The following METTL15 variants were observed in gnomAD, a reference collection of about 807,000 sequenced individuals.
METTL15 encodes methyltransferase 15, mitochondrial 12S rRNA N4-cytidine, also known as 12S rRNA N(4)-cytidine methyltransferase METTL15.
METTL15 carries 34 observed loss-of-function variants against 38.3 expected under a neutral mutation model. The observed-to-expected ratio is 0.89, with a 90% confidence interval of 0.68 to 1.18. The LOEUF (loss-of-function observed/expected upper bound fraction) is 1.18, where lower values mean the gene tolerates loss of function less well. Among genes scored for constraint, METTL15 ranks in the 50% most tolerant of loss-of-function variants. METTL15 has a pLI of 0.00. For missense variants in METTL15, 438 were observed against 498.4 expected, an observed-to-expected ratio of 0.88 and a Z score of 1.15; for synonymous variants, 162 against 170.9, an observed-to-expected ratio of 0.95 and a Z score of 0.41.
intron 6 of METTL15, among the ~76,000 whole-genome samples, chr11:28,454,698 C>T (rs1215702052): frequency 6.6e-6 from 1 of 152,202 alleles, no homozygotes; most frequent in East Asian, 1.9e-4. Flanking sequence ...CTTATATCAA[C>T]ATATTCAGAC....
chr11:28,155,577 A>T (rs531726434), intron 3 of METTL15, among the ~76,000 whole-genome samples: 1 of 152,130 alleles, frequency 6.6e-6, no homozygotes, highest in Non-Finnish European at 1.5e-5. Context: ...CAGAGATGAG[A>T]GGGAGAGGAT....
chr11:28,339,468 A>T (rs1053777723), intron 3 of METTL15, among the ~76,000 whole-genome samples: 1 of 151,850 alleles, frequency 6.6e-6, no homozygotes, highest in African/African-American at 2.4e-5. Context: ...ACTAAAAATC[A>T]TCAACTAAAA....
At chr11:28,313,951 C>G (rs1857393425) in intron 6 of METTL15, among the ~76,000 whole-genome samples, 1 of 152,070 alleles carries the variant, frequency 6.6e-6, no homozygotes, top group African/African-American at 2.4e-5. Flanking sequence ...TATACATGTC[C>G]TTCTAGAAAC....
chr11:28,118,011 G>GT (rs1230564065), intron 3 of METTL15, among the ~76,000 whole-genome samples: 19 of 149,198 alleles, frequency 1.3e-4, no homozygotes, highest in South Asian at 1.3e-3. Flanking sequence ...TTGTTTTTTT[G>GT]TTTTTTTTTG....
At chr11:28,133,105 A>T (rs557793787) in intron 3 of METTL15, among the ~76,000 whole-genome samples, 2 of 152,296 alleles carry the variant, frequency 1.3e-5, no homozygotes, top group African/African-American at 4.8e-5. Flanking sequence ...CTTAAGAGCA[A>T]TCTGATTTAA....
intron 6 of METTL15, among the ~76,000 whole-genome samples, chr11:28,440,066 GC>G (rs1851020996): frequency 1.3e-5 from 2 of 152,202 alleles, no homozygotes. Context: ...GTGGCAATTT[GC>G]ATGAGGCAGG....
chr11:28,256,057 G>C (rs1254946596), intron 4 of METTL15, among the ~76,000 whole-genome samples: 1 of 152,158 alleles, frequency 6.6e-6, no homozygotes, highest in Admixed American at 6.5e-5. Context: ...ATCCCACTTG[G>C]TCATGATGAA....
intron 6 of METTL15, among the ~76,000 whole-genome samples, chr11:28,465,162 T>A (rs541093588): frequency 6.6e-6 from 1 of 152,216 alleles, no homozygotes; most frequent in Non-Finnish European, 1.5e-5. Context: ...CTTATTCAGA[T>A]AAGAAAGATT....
At chr11:28,142,739 A>T (rs910630044) in intron 3 of METTL15, among the ~76,000 whole-genome samples, 1 of 152,194 alleles carries the variant, frequency 6.6e-6, no homozygotes, top group Non-Finnish European at 1.5e-5. Flanking sequence ...AGCTGTGGGA[A>T]TTCATTGAAA....
chr11:28,376,238 C>T (rs1475336516), intron 5 of METTL15, among the ~76,000 whole-genome samples: 2 of 151,764 alleles, frequency 1.3e-5, no homozygotes, highest in Admixed American at 6.6e-5. Context: ...TTTTCTGTCT[C>T]GTTGGTCTGT....
chr11:28,243,370 T>C (rs551913498), intron 4 of METTL15, among the ~76,000 whole-genome samples: 2 of 152,266 alleles, frequency 1.3e-5, no homozygotes, highest in East Asian at 3.9e-4. Flanking sequence ...TTTGGTGAAA[T>C]TAAAGTAGTC....
At chr11:28,314,846 G>A (rs1857425452) in intron 6 of METTL15, among the ~76,000 whole-genome samples, 1 of 152,124 alleles carries the variant, frequency 6.6e-6, no homozygotes, top group Non-Finnish European at 1.5e-5. Flanking sequence ...AAGATCTGAT[G>A]GTTTTAAAAA....
chr11:28,313,438 A>C (rs1180443902), intron 6 of METTL15, among the ~76,000 whole-genome samples: 1 of 151,978 alleles, frequency 6.6e-6, no homozygotes, highest in African/African-American at 2.4e-5. Context: ...TCAATGATTA[A>C]TGAATTTATG....
intron 4 of METTL15, among the ~76,000 whole-genome samples, chr11:28,279,653 C>T (rs1855975238): frequency 6.6e-6 from 1 of 152,176 alleles, no homozygotes; most frequent in South Asian, 2.1e-4. Context: ...GTAATCCCAG[C>T]ACTTTGGGAG....
intron 3 of METTL15, among the ~76,000 whole-genome samples, chr11:28,153,266 A>G (rs960357): frequency 0.4 from 60,678 of 151,940 alleles, 14,874 homozygotes; most frequent in Non-Finnish European, 0.53. Flanking sequence ...TGGTTCGAAT[A>G]CCTCTGACAT....
At chr11:28,272,161 G>A (rs917591621) in intron 4 of METTL15, among the ~76,000 whole-genome samples, 6 of 152,144 alleles carry the variant, frequency 3.9e-5, no homozygotes, top group African/African-American at 7.2e-5. Context: ...ACAATGTGGC[G>A]ATTCCTCAAG....
chr11:28,253,636 C>G (rs1312127681), intron 4 of METTL15, among the ~76,000 whole-genome samples: 1 of 148,876 alleles, frequency 6.7e-6, no homozygotes, highest in Non-Finnish European at 1.5e-5. Context: ...TCCCTCCCCC[C>G]GCCAACTACC....
rs1229649148 is a variant in METTL15 at position 28,418,893 on chromosome 11, AC to A, written c.*359-5403del. Among the ~76,000 whole-genome samples the A allele has an allele frequency of 2.0e-5, 3 of 152,296 alleles. No individual in the cohort carries two copies. The East Asian group carries it at 5.8e-4, about 29-fold the overall frequency. On this transcript the variant is annotated intron_variant and NMD_transcript_variant, in intron 5 of 7. Transcript: ENST00000532947. ...GACCAGCCCTAGCCAGAGGGAAATC[AC>A]CCATCCCAGTGGTCAGAACTTAAGT... is the stretch of plus-strand genomic sequence containing the variant.
chr11:28,164,047 A>G (rs1850567197), intron 3 of METTL15: 1 of 152,112 alleles, frequency 6.6e-6, no homozygotes, highest in Admixed American at 6.6e-5. Context: ...AAATGCAAAC[A>G]TCAAAATATC....
Sources: allele counts gnomAD v4.1 joint callset (sites outside exome capture counted in the v4.1 genomes callset), GRCh38; gene constraint gnomAD v4.1.1; transcripts MANE v1.5; gene names NCBI Gene and HGNC (gene_info 2026-07-23, HGNC 2026-07-21).